Variants in GRID2 observed in about 807,000 individuals in gnomAD.
GRID2 encodes glutamate ionotropic receptor delta type subunit 2.
A neutral mutation model predicts 114.8 loss-of-function variants in GRID2; 33 were observed. The observed-to-expected ratio is 0.29, with a 90% CI of 0.22 to 0.38. The LOEUF (loss-of-function observed/expected upper bound fraction) is 0.38. Ranked by LOEUF, GRID2 falls within the 10% of genes least tolerant of loss-of-function variation. The pLI, the probability that GRID2 is intolerant of heterozygous loss-of-function variation, is 1.00. For missense variants in GRID2, 1,184 were observed against 1,257.7 expected, an observed-to-expected ratio of 0.94 and a Z score of 0.89; for synonymous variants, 505 against 449.9, an observed-to-expected ratio of 1.12 and a Z score of -1.55.
chr4:92,543,535 C>A (rs1384826390), intron 1 of GRID2, among the ~76,000 whole-genome samples: 1 of 152,144 alleles, frequency 6.6e-6, no homozygotes, highest in Non-Finnish European at 1.5e-5. Flanking sequence ...TTTGTTCACT[C>A]CATCAAATAC....
At chr4:92,326,231 T>C (rs975851791) in intron 1 of GRID2, among the ~76,000 whole-genome samples, 1 of 151,928 alleles carries the variant, frequency 6.6e-6, no homozygotes, top group African/African-American at 2.4e-5. Flanking sequence ...TAAAGGTCAG[T>C]AACTTATTGA....
At chr4:92,541,570 A>G (rs1323377617) in intron 1 of GRID2, among the ~76,000 whole-genome samples, 2 of 152,078 alleles carry the variant, frequency 1.3e-5, no homozygotes, top group African/African-American at 2.4e-5. Context: ...AGCCAGTACT[A>G]TTTATCAAAA....
chr4:92,594,850 A>G (rs1410456273), intron 2 of GRID2, among the ~76,000 whole-genome samples: 1 of 152,072 alleles, frequency 6.6e-6, no homozygotes, highest in African/African-American at 2.4e-5. Context: ...CGTTTCTGAA[A>G]GCAGTACTTA....
intron 2 of GRID2, among the ~76,000 whole-genome samples, chr4:92,969,161 A>G (rs962771165): frequency 6.6e-6 from 1 of 151,576 alleles, no homozygotes; most frequent in Non-Finnish European, 1.5e-5. Context: ...GTTCAGCTAG[A>G]GTAAAGTCAA....
At chr4:93,659,072 A>G (rs1387900697) in intron 14 of GRID2, among the ~76,000 whole-genome samples, 1 of 152,088 alleles carries the variant, frequency 6.6e-6, no homozygotes. Context: ...AAGACAGTCT[A>G]GCGTAGCAAT....
intron 14 of GRID2, among the ~76,000 whole-genome samples, chr4:93,715,441 C>A (rs115748333): frequency 0.042 from 6,414 of 152,124 alleles, 218 homozygotes; most frequent in African/African-American, 0.085. Context: ...TATGAATTTT[C>A]AAATAGGTTT....
chr4:93,251,465 T>A (rs1359083236), intron 8 of GRID2, among the ~76,000 whole-genome samples: 1 of 152,210 alleles, frequency 6.6e-6, no homozygotes, highest in African/African-American at 2.4e-5. Flanking sequence ...AACTGTATCA[T>A]GTTGAATTAA....
At chr4:93,805,639 G>T (rs1735013989) in intron 1 of GRID2, among the ~76,000 whole-genome samples, 1 of 152,158 alleles carries the variant, frequency 6.6e-6, no homozygotes, top group Non-Finnish European at 1.5e-5. Context: ...TAGAGGTAAG[G>T]ATCACACTGA....
intron 14 of GRID2, among the ~76,000 whole-genome samples, chr4:93,654,584 G>A (rs1207497631): frequency 6.6e-6 from 1 of 152,082 alleles, no homozygotes; most frequent in East Asian, 1.9e-4. Context: ...AAAAACTTAT[G>A]TAGTACCAGA....
intron 8 of GRID2, among the ~76,000 whole-genome samples, chr4:93,315,667 A>G (rs1427803766): frequency 1.3e-5 from 2 of 152,180 alleles, no homozygotes; most frequent in African/African-American, 4.8e-5. Flanking sequence ...TGCCTGACAC[A>G]TTGTAGGCAC....
intron 1 of GRID2, among the ~76,000 whole-genome samples, chr4:92,588,944 AAC>A (rs1170104727): frequency 6.6e-6 from 1 of 151,844 alleles, no homozygotes; most frequent in South Asian, 2.1e-4. Context: ...CTCTACTAAA[AAC>A]ACACAAAAAA....
intron 1 of GRID2, among the ~76,000 whole-genome samples, chr4:92,424,297 A>G (rs1732048816): frequency 6.6e-6 from 1 of 152,056 alleles, no homozygotes; most frequent in Non-Finnish European, 1.5e-5. Flanking sequence ...CTTCCTGTTC[A>G]TATGTGGGAA....
chr4:92,427,802 T>C (rs1732234252), intron 1 of GRID2, among the ~76,000 whole-genome samples: 1 of 152,156 alleles, frequency 6.6e-6, no homozygotes, highest in Non-Finnish European at 1.5e-5. Flanking sequence ...GATTTTCTTA[T>C]CTTAATGAAT....
chr4:92,721,673 C>T (rs115055958), intron 2 of GRID2, among the ~76,000 whole-genome samples: 1,550 of 152,176 alleles, frequency 0.01, 23 homozygotes, highest in African/African-American at 0.036. Context: ...AAAATTATAG[C>T]ATGTCCTCTG....
intron 13 of GRID2, among the ~76,000 whole-genome samples, chr4:93,616,215 G>A (rs1741623829): frequency 6.6e-6 from 1 of 152,030 alleles, no homozygotes; most frequent in Non-Finnish European, 1.5e-5. Flanking sequence ...AGTTCATTTT[G>A]CAGGTAAGAT....
chr4:93,717,398 C>T (rs1434625911), intron 14 of GRID2, among the ~76,000 whole-genome samples: 1 of 140,550 alleles, frequency 7.1e-6, no homozygotes, highest in Non-Finnish European at 1.6e-5. Context: ...TGTATTGATG[C>T]TGTAATAGGT....
intron 2 of GRID2, among the ~76,000 whole-genome samples, chr4:92,848,562 A>T (rs1743511593): frequency 6.6e-6 from 1 of 151,918 alleles, no homozygotes. Flanking sequence ...GCAAAGTGCA[A>T]ATCGGAGGCC....
intron 8 of GRID2, among the ~76,000 whole-genome samples, chr4:93,262,165 A>C (rs1395738244): frequency 6.6e-6 from 1 of 151,892 alleles, no homozygotes; most frequent in East Asian, 1.9e-4. Context: ...ATTTGAGCTT[A>C]AGAATTTGGT....
At chr4:93,519,564 T>C (rs1730130670) in intron 13 of GRID2, among the ~76,000 whole-genome samples, 1 of 152,086 alleles carries the variant, frequency 6.6e-6, no homozygotes, top group African/African-American at 2.4e-5. Context: ...AGCACTAAAA[T>C]AGGGAAGTCC....
Sources: gnomAD v4.1 joint callset for allele counts (sites outside exome capture counted in the v4.1 genomes callset) on GRCh38, gnomAD v4.1.1 for gene constraint, MANE v1.5 for transcripts, NCBI Gene and HGNC (gene_info 2026-07-23, HGNC 2026-07-21) for gene names.